The following SLC23A2 variants were observed in gnomAD, a reference collection of about 807,000 sequenced individuals.
The protein encoded by SLC23A2 is solute carrier family 23 member 2.
Under a neutral mutation model 73.3 loss-of-function variants are expected in SLC23A2, and 36 were observed. The observed-to-expected ratio is 0.49, with a 90% CI of 0.38 to 0.65. SLC23A2 has a LOEUF of 0.65. SLC23A2 is among the 30% of genes least tolerant of loss of function. The pLI, the probability that SLC23A2 is intolerant of heterozygous loss-of-function variation, is 0.00. For synonymous variants in SLC23A2, 343 were observed against 327.3 expected (o/e 1.05, Z -0.52); for missense variants, 507 against 841.6 (o/e 0.60, Z 4.92).
At chr20:5,003,868 T>G (rs1031217091), upstream of SLC23A2, among the ~76,000 whole-genome samples, 2 of 152,112 alleles carry the variant, frequency 1.3e-5, no homozygotes, top group African/African-American at 4.8e-5. Context: ...TTACAGTCCT[T>G]TTCTTCTTTG....
At chr20:4,977,367 C>T (rs1487757545) in intron 1 of SLC23A2, among the ~76,000 whole-genome samples, 2 of 151,910 alleles carry the variant, frequency 1.3e-5, no homozygotes, top group African/African-American at 4.8e-5. Context: ...TTAATGAACA[C>T]GTATTATTAT....
chr20:4,888,794 CTT>C (rs1466530252), intron 6 of SLC23A2, among the ~76,000 whole-genome samples: 1 of 152,176 alleles, frequency 6.6e-6, no homozygotes, highest in Admixed American at 6.5e-5. Context: ...CAACTTAGGA[CTT>C]TTTGTCAAGA....
intron 6 of SLC23A2, among the ~76,000 whole-genome samples, chr20:4,892,522 T>G (rs1278213882): frequency 6.6e-6 from 1 of 152,162 alleles, no homozygotes; most frequent in Non-Finnish European, 1.5e-5. Flanking sequence ...TTAAATTCCT[T>G]TTTAGTTAAG....
At chr20:4,884,867 C>T in intron 7 of SLC23A2, 44 bp from the exon 8 acceptor site, 3 of 1,091,070 alleles carry the variant, frequency 2.7e-6, no homozygotes, top group Non-Finnish European at 4.0e-6. Flanking sequence ...ACACTGATGT[C>T]TCACATGACA....
intron 1 of SLC23A2, among the ~76,000 whole-genome samples, chr20:4,988,676 T>C (rs536922451): frequency 2.7e-4 from 39 of 145,782 alleles, no homozygotes; most frequent in Non-Finnish European, 5.0e-4. Context: ...ATGGAGGTTG[T>C]GGTGAGCTGA....
chr20:4,889,253 T>A (rs1034688956), intron 6 of SLC23A2, among the ~76,000 whole-genome samples: 9 of 151,902 alleles, frequency 5.9e-5, no homozygotes, highest in African/African-American at 1.9e-4. Context: ...TTATGGGTAT[T>A]CCGGGCAGAG....
chr20:4,864,781 A>G (rs1384173377), intron 13 of SLC23A2, among the ~76,000 whole-genome samples: 1 of 152,134 alleles, frequency 6.6e-6, no homozygotes, highest in Non-Finnish European at 1.5e-5. Flanking sequence ...GATGGTCCTG[A>G]GGGGTGAGTA....
chr20:4,930,961 G>A (rs1383210761), intron 3 of SLC23A2, among the ~76,000 whole-genome samples: 6 of 146,178 alleles, frequency 4.1e-5, no homozygotes, highest in Non-Finnish European at 7.4e-5. Flanking sequence ...ATAGGCAAGA[G>A]TGAGACTCAG....
Position 4,899,207 on chromosome 20 carries a change from G to A in SLC23A2, c.482+348C>T, listed in dbSNP as rs1931655420. On this transcript the variant is annotated intron_variant, in intron 6 of 16. Transcript: ENST00000338244. This position sits in a 1 kb window ranked among gnomAD's most constrained non-coding sequence, Gnocchi z 4.9. Reference sequence around the variant, plus strand: ...TCCAAGAGCAGTGCCCTGGAGGCAGGGAAGCCAACGGGGAGCCTGGTGGGA... The same window carrying A: ...TCCAAGAGCAGTGCCCTGGAGGCAGAGAAGCCAACGGGGAGCCTGGTGGGA... 6.6e-6 allele frequency among the ~76,000 whole-genome samples: 1 copy of A among 152,194 alleles called. No homozygotes were observed. Among genetic ancestry groups the A allele is most frequent in the South Asian group, 2.1e-4 (1 of 4,826 alleles).
intron 1 of SLC23A2, among the ~76,000 whole-genome samples, chr20:4,989,577 AAAGC>A (rs1267987682): frequency 6.6e-6 from 1 of 151,912 alleles, no homozygotes; most frequent in East Asian, 1.9e-4. Context: ...TTGGAAGGCC[AAAGC>A]AGGAAGATCG....
At chr20:5,003,928 GATA>G (rs1243230984), upstream of SLC23A2, among the ~76,000 whole-genome samples, 2 of 152,016 alleles carry the variant, frequency 1.3e-5, no homozygotes, top group Non-Finnish European at 2.9e-5. Context: ...CTATTCTTGT[GATA>G]ATACCACTGT....
At chr20:4,912,186 C>A (rs1194567792) in intron 4 of SLC23A2, among the ~76,000 whole-genome samples, 7 of 151,834 alleles carry the variant, frequency 4.6e-5, no homozygotes, top group Admixed American at 3.3e-4. Context: ...TCTATGGTCA[C>A]AAAGTCTGAC....
chr20:5,010,005 G>A (rs936895134), intron 1 of SLC23A2, among the ~76,000 whole-genome samples: 3 of 149,840 alleles, frequency 2.0e-5, no homozygotes, highest in Non-Finnish European at 4.4e-5. Context: ...TGAGGCAGGA[G>A]AATGGACTGA....
At chr20:4,861,778 A>G (rs992704875) in intron 15 of SLC23A2, among the ~76,000 whole-genome samples, 170 bp downstream of exon 15, 1 of 152,220 alleles carries the variant, frequency 6.6e-6, no homozygotes, top group African/African-American at 2.4e-5. Context: ...CAGGAAGCCC[A>G]CAGCGCTTCC....
chr20:4,951,329 C>G (rs2122140457), intron 2 of SLC23A2, among the ~76,000 whole-genome samples: 1 of 152,192 alleles, frequency 6.6e-6, no homozygotes, highest in African/African-American at 2.4e-5. Context: ...AGCACTAACT[C>G]AGAAGTAAGC....
chr20:4,912,398 T>C (rs1258993014), intron 4 of SLC23A2, among the ~76,000 whole-genome samples: 2 of 152,250 alleles, frequency 1.3e-5, no homozygotes, highest in East Asian at 3.9e-4. Flanking sequence ...TGCACATGTA[T>C]CTGTAACAGG....
intron 2 of SLC23A2, among the ~76,000 whole-genome samples, chr20:4,937,817 T>C (rs545828140): frequency 6.6e-6 from 1 of 152,280 alleles, no homozygotes; most frequent in Non-Finnish European, 1.5e-5. Context: ...TGAGACTTGC[T>C]GGTGATTTTG....
chr20:4,897,204 G>A (rs1168734369), intron 6 of SLC23A2, among the ~76,000 whole-genome samples: 2 of 152,082 alleles, frequency 1.3e-5, no homozygotes, highest in Admixed American at 6.5e-5. Context: ...AAGAGAACGG[G>A]CACCACCCAC....
At chr20:4,956,654 T>C (rs1427967244) in intron 2 of SLC23A2, among the ~76,000 whole-genome samples, 3 of 152,166 alleles carry the variant, frequency 2.0e-5, no homozygotes, top group Non-Finnish European at 4.4e-5. Context: ...ATTCAACTAA[T>C]AAAATCCTTG....
Sources: gnomAD v4.1 joint callset for allele counts (sites outside exome capture counted in the v4.1 genomes callset) on GRCh38, gnomAD v4.1.1 for gene constraint, Gnocchi (gnomAD v3.1) non-coding constraint, MANE v1.5 for transcripts, NCBI Gene and HGNC (gene_info 2026-07-23, HGNC 2026-07-21) for gene names.